THBS4: variants seen among roughly 807,000 people sequenced by gnomAD.
THBS4 encodes the protein thrombospondin 4.
Under a neutral mutation model 115.7 loss-of-function variants are expected in THBS4, and 90 were observed. That is an observed-to-expected ratio of 0.78 (90% CI 0.66 to 0.93). The LOEUF is 0.93. THBS4 is among the 40% of genes least tolerant of loss of function. The probability of loss-of-function intolerance (pLI) is 0.00; values close to 1 mark genes in which losing one functional copy is unlikely to be tolerated. For synonymous variants in THBS4, 460 were observed against 479.3 expected, an observed-to-expected ratio of 0.96 and a Z score of 0.53; for missense variants, 1,087 against 1,232.7, an observed-to-expected ratio of 0.88 and a Z score of 1.77.
At chr5:80,068,167 A>G in intron 10 of THBS4, 42 bp downstream of exon 10, 1 of 1,607,756 alleles carries the variant, frequency 6.2e-7, no homozygotes, top group Non-Finnish European at 8.5e-7. Flanking sequence ...TTCCTCTTCC[A>G]TTTTTAACAC....
intron 2 of THBS4, among the ~76,000 whole-genome samples, chr5:79,998,750 A>C (rs1831846125): frequency 6.6e-6 from 1 of 152,260 alleles, no homozygotes; most frequent in Non-Finnish European, 1.5e-5. Flanking sequence ...AAGGTAATGT[A>C]ATGGCATGTG....
In THBS4 at chr5:80,035,441, C is replaced by T. The variant is rs17878424; in HGVS notation, c.-97C>T. ...GCACGGGTCACCTGCGGCGCCGGCC[C>T]GGGCGCCGACCGAGGTTCAACGCAC... On this transcript the variant is annotated 5_prime_UTR_variant, in exon 1 of 22. Transcript: ENST00000350881. This position sits in a 1 kb window ranked among gnomAD's most constrained non-coding sequence, Gnocchi z 4.6. 1.3e-3 allele frequency: 1,122 copies of T among 856,614 alleles called. 6 individuals carry two copies. Among genetic ancestry groups the T allele is most frequent in the African/African-American group, 0.011 (634 of 56,508 alleles). 53.1% of individuals were successfully genotyped at this position (856,614 alleles called of 1,614,324 possible).
intron 2 of THBS4, among the ~76,000 whole-genome samples, chr5:80,043,749 C>G (rs943325796): frequency 1.4e-4 from 21 of 152,206 alleles, no homozygotes; most frequent in Non-Finnish European, 2.2e-4. Context: ...CTCTCACCCT[C>G]TCCAAGTCAG....
Position 80,058,262 on chromosome 5 carries a change from C to T in THBS4, c.597C>T (p.Ser199=). The change falls in exon 4 of 22, where the codon AGC becomes AGT. Residue 199 remains serine (S), a synonymous_variant. Transcript: ENST00000350881. ...GAGGCTCACTGTTCCAGGTGGCCAG[C>T]CTGCAAGACTGCTTCCTGCAGCAGA... ...VVRGSLFQVA[S]LQDCFLQQSE... is the part of the protein sequence containing the mutation. The T allele has an allele frequency of 6.3e-7, 1 of 1,578,610 alleles. No homozygotes were observed. The highest frequency in any genetic ancestry group is 1.8e-5 in the Admixed American group (1 of 55,668).
chr5:80,079,066 C>T lies in THBS4; in HGVS notation c.2319C>T (p.Tyr773=). ...AATCTTATCTGGTCCCTACAGGGTA[C>T]ACAGCTTTTAATGGAGTTGACTTCG... ...MNSDPGLAVG[Y]TAFNGVDFEG... Residue 773 remains tyrosine (Y), a synonymous_variant, in exon 19 of 22, where the codon TAC becomes TAT. Coordinates refer to ENST00000350881, the MANE Select transcript of THBS4 (RefSeq NM_003248.6). 1 of 1,613,306 alleles carries T rather than the reference C, an allele frequency of 6.2e-7. No homozygotes were observed. Among genetic ancestry groups the T allele is most frequent in the Non-Finnish European group, 8.5e-7 (1 of 1,179,430 alleles).
At chr5:80,033,681 G>A (rs1037277251), upstream of THBS4, among the ~76,000 whole-genome samples, 2 of 152,230 alleles carry the variant, frequency 1.3e-5, no homozygotes, top group Admixed American at 6.5e-5. Context: ...GCAGTGTCTG[G>A]TGGCACACTA....
At chr5:80,073,929 G>C (rs1310692014) in intron 15 of THBS4, among the ~76,000 whole-genome samples, 1 of 152,172 alleles carries the variant, frequency 6.6e-6, no homozygotes, top group East Asian at 1.9e-4. Flanking sequence ...GAATAAGACA[G>C]CTAGATATAA....
intron 2 of THBS4, among the ~76,000 whole-genome samples, chr5:80,000,065 G>A (rs1247635814): frequency 6.6e-6 from 1 of 152,086 alleles, no homozygotes; most frequent in East Asian, 1.9e-4. Flanking sequence ...ATACTGAGTA[G>A]GTATATGGGA....
At chr5:80,040,429 T>A in intron 2 of THBS4, 149 bp downstream of exon 2, 1 of 427,874 alleles carries the variant, frequency 2.3e-6, no homozygotes. Context: ...CTTCTTACTG[T>A]ACATTTACCT....
chr5:80,019,273 A>G (rs1832313833), intron 2 of THBS4, among the ~76,000 whole-genome samples: 1 of 151,964 alleles, frequency 6.6e-6, no homozygotes, highest in Admixed American at 6.6e-5. Flanking sequence ...AAAAAGTCAT[A>G]CACACACACA....
Position 80,078,125 on chromosome 5 carries a change from GA to G in THBS4, c.2165del (p.Asn722ThrfsTer6). 6.2e-7 allele frequency: 1 copy of G among 1,612,586 alleles called. No individual in the cohort carries two copies. Among genetic ancestry groups the G allele is most frequent in the Non-Finnish European group, 8.5e-7 (1 of 1,179,108 alleles). ...VIDRIDVCPE[N>X]AEVTLTDFRA... ...TCGATCGGATCGACGTCTGCCCAGA[GA>G]ACGCAGAGGTCACCCTGACCGACTT... On this transcript the variant is annotated frameshift_variant, in exon 17 of 22. Coordinates refer to ENST00000350881, the MANE Select transcript of THBS4 (RefSeq NM_003248.6). LOFTEE classifies it high-confidence loss of function.
chr5:80,046,332 G>A (rs1180481738), intron 2 of THBS4, among the ~76,000 whole-genome samples: 2 of 152,202 alleles, frequency 1.3e-5, no homozygotes, highest in Non-Finnish European at 2.9e-5. Context: ...ATTACACATT[G>A]GGATATTTAG....
intron 13 of THBS4, 153 bp from the exon 14 acceptor site, chr5:80,072,125 C>G: frequency 2.9e-6 from 2 of 688,754 alleles, no homozygotes; most frequent in South Asian, 3.5e-5. Context: ...CAGAATCCGT[C>G]CTTTGAAGCT....
rs1561312706 is a variant in THBS4, at chr5:80,055,827, T to C, written c.335T>C (p.Val112Ala). The C allele has an allele frequency of 1.2e-6, 2 of 1,614,092 alleles. No homozygotes were observed. Among genetic ancestry groups the C allele is most frequent in the Middle Eastern group, 1.6e-4 (1 of 6,062 alleles). The part of the protein sequence containing the change: ...YLKNDGKVHL[V>A]VFNNLQLADG... ...AAGAACGATGGGAAGGTGCATTTGGTGGTTTTCAACAACCTGCAGCTGGCA... is the reference window on the plus strand; with the variant it reads ...AAGAACGATGGGAAGGTGCATTTGGCGGTTTTCAACAACCTGCAGCTGGCA... Residue 112 changes from valine (V) to alanine (A), a missense_variant, in exon 3 of 22, where the codon GTG becomes GCG. Transcript: ENST00000350881.
chr5:80,027,732 CAAAA>C (rs199797654), intron 2 of THBS4, among the ~76,000 whole-genome samples: 2 of 148,742 alleles, frequency 1.3e-5, no homozygotes, highest in Non-Finnish European at 3.0e-5. Context: ...CCCATTTCGA[CAAAA>C]AAAAATACAA....
rs566181104 is a variant in THBS4, at chr5:80,019,286, T to C, written n.178-20791T>C. Among the ~76,000 whole-genome samples the C allele has an allele frequency of 1.8e-4, 28 of 152,038 alleles. No individual in the cohort carries two copies. The South Asian group carries it at 4.6e-3, about 25-fold the overall frequency. On this transcript the variant is annotated intron_variant and non_coding_transcript_variant, in intron 2 of 3. Transcript: ENST00000510218. ...CAAAAAAGTCATACACACACACACA[T>C]GTACGTACACCTTAATTTATAAGAT...
chr5:79,997,030 GT>G (rs201267378), intron 1 of THBS4, among the ~76,000 whole-genome samples: 34,786 of 138,688 alleles, frequency 0.25, 4,274 homozygotes, highest in Middle Eastern at 0.34. Flanking sequence ...AATCAAAATA[GT>G]TTTTTTTTTT....
At chr5:80,016,084 G>A (rs1022163867) in intron 2 of THBS4, among the ~76,000 whole-genome samples, 7 of 152,094 alleles carry the variant, frequency 4.6e-5, no homozygotes, top group Non-Finnish European at 8.8e-5. Context: ...CAGTATTCAC[G>A]CATCTACTGC....
At chr5:80,053,582 C>G (rs1438737) in intron 2 of THBS4, among the ~76,000 whole-genome samples, 83,472 of 151,952 alleles carry the variant, frequency 0.55, 23,366 homozygotes, top group African/African-American at 0.65. Context: ...TTCTACTTAA[C>G]GCTTTCCCAC....
Sources: allele counts gnomAD v4.1 joint callset (sites outside exome capture counted in the v4.1 genomes callset), GRCh38; gene constraint gnomAD v4.1.1; non-coding constraint Gnocchi (gnomAD v3.1); transcripts MANE v1.5; gene names NCBI Gene and HGNC (gene_info 2026-07-23, HGNC 2026-07-21).